PCGF5: variants seen among roughly 807,000 people sequenced by gnomAD.
PCGF5 encodes polycomb group RING finger protein 5.
A neutral mutation model predicts 44.3 loss-of-function variants in PCGF5; 9 were observed. That is an observed-to-expected ratio of 0.20 (90% CI 0.12 to 0.35). PCGF5 has a LOEUF of 0.35. Ranked by LOEUF, PCGF5 falls within the 10% of genes least tolerant of loss-of-function variation. The pLI, the probability that PCGF5 is intolerant of heterozygous loss-of-function variation, is 1.00. For missense variants in PCGF5, 146 were observed against 305.3 expected (o/e 0.48, Z 3.89); for synonymous variants, 95 against 102.5 (o/e 0.93, Z 0.44).
intron 1 of PCGF5, among the ~76,000 whole-genome samples, chr10:91,204,537 T>C (rs1844306288): frequency 6.6e-6 from 1 of 152,206 alleles, no homozygotes; most frequent in Non-Finnish European, 1.5e-5. Flanking sequence ...TGTTTGGAAG[T>C]TACTAAAACA....
At chr10:91,196,148 A>C (rs1191629017) in intron 1 of PCGF5, among the ~76,000 whole-genome samples, 1 of 152,090 alleles carries the variant, frequency 6.6e-6, no homozygotes, top group African/African-American at 2.4e-5. Context: ...ACATGGTGGC[A>C]GAGAAGGCCC....
chr10:91,168,833 CAGG>C (rs1175313508), intron 1 of PCGF5, among the ~76,000 whole-genome samples: 2 of 141,586 alleles, frequency 1.4e-5, no homozygotes, highest in Admixed American at 1.5e-4. Context: ...GCTGCTGAGG[CAGG>C]AGAATCACAT....
intron 2 of PCGF5, among the ~76,000 whole-genome samples, chr10:91,236,369 A>G (rs145588188): frequency 6.6e-6 from 1 of 152,224 alleles, no homozygotes; most frequent in Admixed American, 6.5e-5. Flanking sequence ...GTTAGTGCTC[A>G]TTAAATATTA....
intron 2 of PCGF5, among the ~76,000 whole-genome samples, chr10:91,237,933 A>AT (rs1845212343): frequency 6.6e-6 from 1 of 152,170 alleles, no homozygotes; most frequent in African/African-American, 2.4e-5. Context: ...TCCATCTAGA[A>AT]TAGCACCCTT....
chr10:91,209,802 C>A (rs55816144), intron 1 of PCGF5, among the ~76,000 whole-genome samples: 189 of 460 alleles, frequency 0.41, 77 homozygotes, highest in East Asian at 0.67. Context: ...AAAAGAAAAA[C>A]GAAGAAAGGA....
At chr10:91,271,540 G>T in intron 8 of PCGF5, 98 bp from the exon 9 acceptor site, 2 of 901,820 alleles carry the variant, frequency 2.2e-6, no homozygotes, top group South Asian at 2.0e-5. Flanking sequence ...TAATCATGTT[G>T]ACTCTTGTGT....
chr10:91,186,168 C>T (rs1032124522), intron 1 of PCGF5, among the ~76,000 whole-genome samples: 1 of 152,170 alleles, frequency 6.6e-6, no homozygotes, highest in African/African-American at 2.4e-5. Flanking sequence ...TTACTTTTAA[C>T]ATTACCTCTT....
At chr10:91,254,918 G>A (rs1212174912) in intron 6 of PCGF5, among the ~76,000 whole-genome samples, 1 of 152,070 alleles carries the variant, frequency 6.6e-6, no homozygotes, top group Non-Finnish European at 1.5e-5. Context: ...GGTGAGCTTT[G>A]TGGCATTTTA....
intron 1 of PCGF5, among the ~76,000 whole-genome samples, chr10:91,179,213 G>A (rs1276446147): frequency 6.6e-6 from 1 of 152,124 alleles, no homozygotes; most frequent in Non-Finnish European, 1.5e-5. Context: ...CTGAACTAGT[G>A]TGGTCTCTTT....
rs555834909 is a variant in PCGF5, at chr10:91,277,081, A to G, written c.724-1188A>G. On this transcript the variant is annotated intron_variant, in intron 9 of 9. Transcript: ENST00000336126. ...TTGAGACTTTTACTCCAGCCCTTAGACAGCTGTAGTAGCATCTGCTGTACT... is the reference window on the plus strand; with the variant it reads ...TTGAGACTTTTACTCCAGCCCTTAGGCAGCTGTAGTAGCATCTGCTGTACT... 7.6e-4 allele frequency among the ~76,000 whole-genome samples: 116 copies of G among 152,314 alleles called. No homozygotes were observed. In the South Asian group the frequency reaches 0.012, roughly 16 times the overall value.
At chr10:91,217,816 C>T (rs945348321), upstream of PCGF5, among the ~76,000 whole-genome samples, 4 of 152,170 alleles carry the variant, frequency 2.6e-5, no homozygotes, top group African/African-American at 4.8e-5. Flanking sequence ...GACATAGTCT[C>T]GCTCTTGTGC....
At chr10:91,258,704 T>C (rs1845820713) in intron 6 of PCGF5, among the ~76,000 whole-genome samples, 1 of 152,184 alleles carries the variant, frequency 6.6e-6, no homozygotes, top group South Asian at 2.1e-4. Flanking sequence ...TTTGTTTTCA[T>C]GCTGTCTAGA....
At chr10:91,227,424 AC>A in intron 2 of PCGF5, 1 of 1,289,524 alleles carries the variant, frequency 7.8e-7, no homozygotes, top group Non-Finnish European at 1.0e-6. Flanking sequence ...GGATGCCAGC[AC>A]TCAGTTATCC....
intron 1 of PCGF5, among the ~76,000 whole-genome samples, chr10:91,171,419 G>A (rs1209057902): frequency 6.6e-6 from 1 of 152,154 alleles, no homozygotes; most frequent in Non-Finnish European, 1.5e-5. Context: ...TTGCGCAGTG[G>A]GGAGCCAAAG....
intron 1 of PCGF5, among the ~76,000 whole-genome samples, chr10:91,166,905 A>G (rs1320432238): frequency 1.3e-5 from 2 of 152,222 alleles, no homozygotes; most frequent in African/African-American, 2.4e-5. Context: ...AGTTATGACT[A>G]CAGATTTGTG....
At chr10:91,232,992 T>C (rs1242537548) in intron 2 of PCGF5, among the ~76,000 whole-genome samples, 1 of 152,126 alleles carries the variant, frequency 6.6e-6, no homozygotes, top group Non-Finnish European at 1.5e-5. Context: ...TCCACTGTAA[T>C]CTTGTAGAGG....
chr10:91,175,119 G>T (rs989057434), intron 1 of PCGF5, among the ~76,000 whole-genome samples: 1 of 152,182 alleles, frequency 6.6e-6, no homozygotes, highest in African/African-American at 2.4e-5. Context: ...ATGAGGGATA[G>T]GTGGAAAATC....
At chr10:91,163,533 G>C (rs1459096258) in intron 1 of PCGF5, among the ~76,000 whole-genome samples, 5 of 152,036 alleles carry the variant, frequency 3.3e-5, no homozygotes, top group Non-Finnish European at 7.4e-5. Context: ...GCCGAGGAGG[G>C]ACGACCTGAG....
upstream of PCGF5, among the ~76,000 whole-genome samples, chr10:91,161,873 T>C (rs1444925060): frequency 6.6e-6 from 1 of 152,018 alleles, no homozygotes; most frequent in Non-Finnish European, 1.5e-5. Flanking sequence ...CAGAGCTCTG[T>C]TAAAAGCAGA....
Sources: gnomAD v4.1 joint callset for allele counts (sites outside exome capture counted in the v4.1 genomes callset) on GRCh38, gnomAD v4.1.1 for gene constraint, MANE v1.5 for transcripts, NCBI Gene and HGNC (gene_info 2026-07-23, HGNC 2026-07-21) for gene names.